Variants in SEZ6L observed in about 807,000 individuals in gnomAD.
SEZ6L encodes the protein seizure related 6 homolog like.
SEZ6L carries 37 observed loss-of-function variants against 106.2 expected under a neutral mutation model. That is an observed-to-expected ratio of 0.35 (90% CI 0.27 to 0.46). The LOEUF (loss-of-function observed/expected upper bound fraction) is 0.46. Ranked by LOEUF, SEZ6L falls within the 20% of genes least tolerant of loss-of-function variation. The pLI is 1.00. For synonymous variants in SEZ6L, 541 were observed against 570.4 expected (o/e 0.95, Z 0.73); for missense variants, 1,172 against 1,332.8 (o/e 0.88, Z 1.88).
chr22:26,274,665 C>A (rs934521296), intron 1 of SEZ6L, among the ~76,000 whole-genome samples: 1 of 152,188 alleles, frequency 6.6e-6, no homozygotes. Context: ...GGAGAGGACA[C>A]AGACTGAAAT....
intron 1 of SEZ6L, among the ~76,000 whole-genome samples, chr22:26,253,607 G>A (rs1159816280): frequency 6.6e-6 from 1 of 152,118 alleles, no homozygotes; most frequent in African/African-American, 2.4e-5. Flanking sequence ...TTATTATTTA[G>A]TTCAATTATT....
At chr22:26,331,230 T>C (rs1013897051) in intron 9 of SEZ6L, among the ~76,000 whole-genome samples, 4 of 152,216 alleles carry the variant, frequency 2.6e-5, no homozygotes, top group East Asian at 1.9e-4. Flanking sequence ...CAGAGATGGG[T>C]TCGCTGGTCT....
At chr22:26,206,187 A>G (rs547635673) in intron 1 of SEZ6L, among the ~76,000 whole-genome samples, 10 of 152,338 alleles carry the variant, frequency 6.6e-5, no homozygotes, top group South Asian at 6.2e-4. Flanking sequence ...TACTTTTAGT[A>G]CAATCTGGAA....
chr22:26,260,724 T>C (rs2079974363), intron 1 of SEZ6L, among the ~76,000 whole-genome samples: 1 of 152,196 alleles, frequency 6.6e-6, no homozygotes, highest in Admixed American at 6.5e-5. Flanking sequence ...TATAATGACC[T>C]CTTTTCTTCT....
At position 26,311,871 on chromosome 22, in the gene SEZ6L, C is replaced by T. The variant is rs915530862; in HGVS notation, c.1785C>T (p.Asp595=). Residue 595 remains aspartate, a synonymous_variant, in exon 8 of 17, where the codon GAC becomes GAT. Transcript: ENST00000248933. ...GGACTATAGTGGAGTTCACCTGCGACCCCGGCCACTCCCTGGAGCAGGGCC... is the reference window on the plus strand; with the variant it reads ...GGACTATAGTGGAGTTCACCTGCGATCCCGGCCACTCCCTGGAGCAGGGCC... ...NIGTIVEFTC[D]PGHSLEQGPA... 3.7e-6 allele frequency: 6 copies of T among 1,614,064 alleles called. No homozygotes were observed. Among genetic ancestry groups the T allele is most frequent in the Non-Finnish European group, 4.2e-6 (5 of 1,180,034 alleles).
At chr22:26,190,421 T>C (rs1601983114) in intron 1 of SEZ6L, among the ~76,000 whole-genome samples, 1 of 152,322 alleles carries the variant, frequency 6.6e-6, no homozygotes, top group South Asian at 2.1e-4. Flanking sequence ...TTGGAGGACA[T>C]ACTGTACTAA....
chr22:26,285,192 C>T (rs1490338898), intron 1 of SEZ6L, among the ~76,000 whole-genome samples: 1 of 152,134 alleles, frequency 6.6e-6, no homozygotes, highest in Non-Finnish European at 1.5e-5. Context: ...AAGTGGACCA[C>T]AGGGGGCCGG....
intron 1 of SEZ6L, among the ~76,000 whole-genome samples, chr22:26,247,746 C>T (rs1423776729): frequency 6.6e-6 from 1 of 152,154 alleles, no homozygotes; most frequent in Non-Finnish European, 1.5e-5. Context: ...GTTGTGGCAG[C>T]TCTCGGAAAC....
Position 26,193,461 on chromosome 22 carries a change from C to T in SEZ6L, c.94+23698C>T, listed in dbSNP as rs532251566. Among the ~76,000 whole-genome samples, 11 of 152,302 alleles carry T rather than the reference C, an allele frequency of 7.2e-5. No homozygotes were observed. The South Asian group carries it at 2.3e-3, about 32-fold the overall frequency. The stretch of plus-strand genomic sequence containing the variant: ...CTGACCCTGGCCCAATGTGGTTCTG[C>T]TATCACATGGTGTGCCTTGTCCTAA... On this transcript the variant is annotated intron_variant, in intron 1 of 16. Coordinates refer to ENST00000248933, the MANE Select transcript of SEZ6L (RefSeq NM_021115.5).
chr22:26,371,878 G>A (rs1021783114), intron 13 of SEZ6L, among the ~76,000 whole-genome samples: 3 of 152,086 alleles, frequency 2.0e-5, no homozygotes, highest in East Asian at 3.9e-4. Context: ...CCTGAGATCC[G>A]TCCCACCACC....
At chr22:26,304,291 G>T (rs2081542318) in intron 5 of SEZ6L, among the ~76,000 whole-genome samples, 1 of 151,400 alleles carries the variant, frequency 6.6e-6, no homozygotes. Context: ...GGCAGAGGTT[G>T]CAGTGAGCTG....
At chr22:26,304,892 T>C (rs1485091841) in intron 5 of SEZ6L, among the ~76,000 whole-genome samples, 1 of 152,214 alleles carries the variant, frequency 6.6e-6, no homozygotes, top group Non-Finnish European at 1.5e-5. Flanking sequence ...GGATATGTTC[T>C]AGGAAATGCA....
intron 1 of SEZ6L, among the ~76,000 whole-genome samples, chr22:26,253,670 A>G (rs977268023): frequency 2.0e-5 from 3 of 152,192 alleles, no homozygotes; most frequent in Non-Finnish European, 4.4e-5. Flanking sequence ...ATTTAGTTAA[A>G]TTTAGTTTAC....
chr22:26,294,082 G>A (rs1008153991), intron 2 of SEZ6L, among the ~76,000 whole-genome samples: 19 of 152,180 alleles, frequency 1.2e-4, no homozygotes, highest in Admixed American at 1.2e-3. Context: ...CTAAAATGGT[G>A]CCTAGCAGGA....
intron 1 of SEZ6L, among the ~76,000 whole-genome samples, chr22:26,282,393 G>T (rs2080800441): frequency 6.6e-6 from 1 of 152,190 alleles, no homozygotes; most frequent in South Asian, 2.1e-4. Flanking sequence ...GACATGACCA[G>T]GCAGCCTGTT....
intron 1 of SEZ6L, among the ~76,000 whole-genome samples, chr22:26,290,048 A>G (rs752871818): frequency 3.9e-5 from 6 of 152,208 alleles, no homozygotes; most frequent in Non-Finnish European, 7.3e-5. Flanking sequence ...TGCTTTGCAT[A>G]CATCAACTCG....
At chr22:26,291,459 G>A (rs934752055) in intron 1 of SEZ6L, among the ~76,000 whole-genome samples, 1 of 26,808 alleles carries the variant, frequency 3.7e-5, no homozygotes, top group African/African-American at 7.5e-4. Context: ...GTTGGGGGAG[G>A]GGAGAGCATT....
chr22:26,297,997 C>T (rs1042870013), intron 4 of SEZ6L, among the ~76,000 whole-genome samples: 1 of 152,094 alleles, frequency 6.6e-6, no homozygotes, highest in African/African-American at 2.4e-5. Context: ...ATTCGTGAAC[C>T]ATGCAACCAG....
At chr22:26,212,080 C>A (rs1468245719) in intron 1 of SEZ6L, among the ~76,000 whole-genome samples, 1 of 152,038 alleles carries the variant, frequency 6.6e-6, no homozygotes, top group African/African-American at 2.4e-5. Flanking sequence ...GGAGCAAGGA[C>A]AGACTATTCC....
Sources: allele counts gnomAD v4.1 joint callset (sites outside exome capture counted in the v4.1 genomes callset), GRCh38; gene constraint gnomAD v4.1.1; transcripts MANE v1.5; gene names NCBI Gene and HGNC (gene_info 2026-07-23, HGNC 2026-07-21).